Variants in RNF220 observed in about 807,000 individuals in gnomAD.
RNF220 encodes ring finger protein 220, also known as E3 ubiquitin-protein ligase RNF220.
RNF220 carries 7 observed loss-of-function variants against 67.1 expected under a neutral mutation model. The observed-to-expected ratio is 0.10, with a 90% CI of 0.06 to 0.20. RNF220 has a LOEUF of 0.20. Ranked by LOEUF, RNF220 falls within the 10% of genes least tolerant of loss-of-function variation. The probability of loss-of-function intolerance (pLI) is 1.00; values close to 1 mark genes in which losing one functional copy is unlikely to be tolerated. For synonymous variants in RNF220, 270 were observed against 283.2 expected (o/e 0.95, Z 0.47); for missense variants, 565 against 740.3 (o/e 0.76, Z 2.75).
In RNF220 at chr1:44,621,916, G is replaced by A. The variant is rs191976670; in HGVS notation, c.759-826G>A. On this transcript the variant is annotated intron_variant, in intron 3 of 14. Coordinates refer to ENST00000361799, the MANE Select transcript of RNF220 (RefSeq NM_018150.4). This position sits in a 1 kb window ranked among gnomAD's most constrained non-coding sequence, Gnocchi z 4.8. ...CATGTGTGTGTGTGTGTGAGTGCAC[G>A]CGCATGAATGTGCGAGCACAGATGT... Among the ~76,000 whole-genome samples, 20 of 152,344 alleles carry A rather than the reference G, an allele frequency of 1.3e-4. No homozygotes were observed. Among genetic ancestry groups the A allele is most frequent in the African/African-American group, 3.8e-4 (16 of 41,580 alleles).
chr1:44,615,429 T>G (rs461043), intron 3 of RNF220, among the ~76,000 whole-genome samples: 1 of 152,098 alleles, frequency 6.6e-6, no homozygotes, highest in Non-Finnish European at 1.5e-5. Context: ...TGGTTGATGC[T>G]GTCTTTGGAA....
chr1:44,625,422 C>T (rs1201262099), intron 4 of RNF220, among the ~76,000 whole-genome samples: 1 of 152,178 alleles, frequency 6.6e-6, no homozygotes, highest in African/African-American at 2.4e-5. Context: ...AAGGCTCAGC[C>T]GGAGATGAAG....
intron 2 of RNF220, among the ~76,000 whole-genome samples, chr1:44,501,629 G>C (rs1657889771): frequency 6.6e-6 from 1 of 152,146 alleles, no homozygotes; most frequent in Non-Finnish European, 1.5e-5. Flanking sequence ...GCCTTACAGA[G>C]CCTTTGACTT....
intron 2 of RNF220, among the ~76,000 whole-genome samples, chr1:44,490,924 TAAAA>T (rs987467058): frequency 6.6e-6 from 1 of 151,570 alleles, no homozygotes; most frequent in Non-Finnish European, 1.5e-5. Context: ...CTTACAGAAA[TAAAA>T]AAAGCATTAT....
intron 8 of RNF220, among the ~76,000 whole-genome samples, chr1:44,639,045 T>C (rs904353714): frequency 3.9e-5 from 6 of 152,248 alleles, no homozygotes; most frequent in African/African-American, 1.4e-4. Context: ...CAGAGCCTAG[T>C]GCGCCACCAA....
intron 2 of RNF220, among the ~76,000 whole-genome samples, chr1:44,605,656 C>T (rs1031959209): frequency 3.9e-5 from 6 of 152,084 alleles, no homozygotes; most frequent in African/African-American, 1.2e-4. Flanking sequence ...AGAAGTAGCA[C>T]AAGAGGCTTC....
intron 3 of RNF220, among the ~76,000 whole-genome samples, chr1:44,620,555 C>T (rs1390755620): frequency 6.6e-6 from 1 of 152,228 alleles, no homozygotes; most frequent in Non-Finnish European, 1.5e-5. Context: ...GCTCCGTGCC[C>T]TTCTTGAATC....
At chr1:44,574,669 G>T (rs1437954364) in intron 2 of RNF220, among the ~76,000 whole-genome samples, 1 of 152,182 alleles carries the variant, frequency 6.6e-6, no homozygotes, top group African/African-American at 2.4e-5. Context: ...TAGGGATTCT[G>T]CACGTTCATT....
At chr1:44,509,690 C>A (rs1037721087) in intron 2 of RNF220, among the ~76,000 whole-genome samples, 1 of 151,660 alleles carries the variant, frequency 6.6e-6, no homozygotes, top group African/African-American at 2.4e-5. Flanking sequence ...GAGTTCAAGA[C>A]CAGCCTGGCC....
chr1:44,550,345 C>A (rs1187874322), intron 2 of RNF220, among the ~76,000 whole-genome samples: 1 of 152,136 alleles, frequency 6.6e-6, no homozygotes, highest in African/African-American at 2.4e-5. Flanking sequence ...GGAGACATCC[C>A]CTTGGAGGAG....
At position 44,649,712 on chromosome 1, in the gene RNF220, C is replaced by T. The variant is rs779797068; in HGVS notation, c.1497C>T (p.Val499=). Residue 499 remains valine, a synonymous_variant, in exon 13 of 15, where the codon GTC becomes GTT. Coordinates refer to ENST00000361799, the MANE Select transcript of RNF220 (RefSeq NM_018150.4). This position sits in a 1 kb window ranked among gnomAD's most constrained non-coding sequence, Gnocchi z 5.9. ...CGTTTGAGGCTCTGAAGGCTCGGGTCAGAGAACTTGAACGGCAGCTATCTC... is the reference window on the plus strand; with the variant it reads ...CGTTTGAGGCTCTGAAGGCTCGGGTTAGAGAACTTGAACGGCAGCTATCTC... ...VTTFEALKAR[V]RELERQLSRG... is the part of the protein sequence containing the mutation. 4.3e-6 allele frequency: 7 copies of T among 1,613,862 alleles called. No individual in the cohort carries two copies. The South Asian group carries it at 5.5e-5, about 13-fold the overall frequency.
At position 44,412,752 on chromosome 1, in the gene RNF220, C is replaced by A. The variant is rs765849345; in HGVS notation, c.625+30C>A. 1.3e-5 allele frequency: 21 copies of A among 1,594,964 alleles called. No individual in the cohort carries two copies. Among genetic ancestry groups the A allele is most frequent in the Non-Finnish European group, 1.8e-5 (21 of 1,169,050 alleles). ...GTACTTTGGTTCCAGCCCTCCCTTA[C>A]CCCCAGTAAGCCCTGCCTCACCGTG... On this transcript the variant is annotated intron_variant, in intron 2 of 14. Transcript: ENST00000361799. The surrounding 1 kb of genome is among the most constrained non-coding windows in gnomAD (Gnocchi z 5.3).
chr1:44,446,278 G>C (rs1221184497), intron 2 of RNF220, among the ~76,000 whole-genome samples: 2 of 152,176 alleles, frequency 1.3e-5, no homozygotes, highest in Non-Finnish European at 2.9e-5. Flanking sequence ...AAAGTAAGGG[G>C]TAAAAGTGGG....
At chr1:44,644,246 C>T (rs1419541404) in intron 8 of RNF220, 1 of 157,798 alleles carries the variant, frequency 6.3e-6, no homozygotes, top group Non-Finnish European at 1.4e-5. Flanking sequence ...CACTCTGTGG[C>T]TCTGATTGGC....
In RNF220 at chr1:44,645,059, G is replaced by A. The variant is rs1644597456; in HGVS notation, c.1288G>A (p.Ala430Thr). ...GCCTGGTGAAGCCAAGGAGAGAGAGGCACTTCGGGGCGCAGTCCTAAAGCA... is the reference window on the plus strand; with the variant it reads ...GCCTGGTGAAGCCAAGGAGAGAGAGACACTTCGGGGCGCAGTCCTAAAGCA... ...EEPGEAKERE[A>T]LRGAVLNGGP... Residue 430 changes from alanine to threonine, a missense_variant, in exon 10 of 15, where the codon GCA becomes ACA. Physicochemically the swap from Ala to Thr is moderately conservative, Grantham distance 58 (BLOSUM62 0). Coordinates refer to ENST00000361799, the MANE Select transcript of RNF220 (RefSeq NM_018150.4). This position sits in a 1 kb window ranked among gnomAD's most constrained non-coding sequence, Gnocchi z 5.0. 6.2e-7 allele frequency: 1 copy of A among 1,613,974 alleles called. No homozygotes were observed. The highest frequency in any genetic ancestry group is 8.5e-7 in the Non-Finnish European group (1 of 1,180,012).
chr1:44,420,960 A>C (rs897121882), intron 2 of RNF220, among the ~76,000 whole-genome samples: 6 of 152,194 alleles, frequency 3.9e-5, no homozygotes, highest in Non-Finnish European at 1.5e-5. Context: ...AACAACTAGC[A>C]ATGTATGTAG....
At chr1:44,447,544 GT>G (rs1245173504) in intron 2 of RNF220, among the ~76,000 whole-genome samples, 2 of 152,196 alleles carry the variant, frequency 1.3e-5, no homozygotes, top group Non-Finnish European at 2.9e-5. Flanking sequence ...AAAGGATGTT[GT>G]AAAAGCTGAC....
chr1:44,433,413 C>T (rs1005712110), intron 2 of RNF220, among the ~76,000 whole-genome samples: 3 of 152,140 alleles, frequency 2.0e-5, no homozygotes, highest in Admixed American at 6.5e-5. Flanking sequence ...TCTCCAACTC[C>T]GGTGACACAG....
chr1:44,536,008 G>A (rs186441686), intron 2 of RNF220, among the ~76,000 whole-genome samples: 3 of 152,304 alleles, frequency 2.0e-5, no homozygotes, highest in East Asian at 1.9e-4. Context: ...ATCCCAACTC[G>A]CTATTAAGCA....
Sources: allele counts gnomAD v4.1 joint callset (sites outside exome capture counted in the v4.1 genomes callset), GRCh38; gene constraint gnomAD v4.1.1; non-coding constraint Gnocchi (gnomAD v3.1); transcripts MANE v1.5; gene names NCBI Gene and HGNC (gene_info 2026-07-23, HGNC 2026-07-21).